Variants in TBC1D9 observed in about 807,000 individuals in gnomAD.
The protein encoded by TBC1D9 is TBC1 domain family member 9A.
A neutral mutation model predicts 132.0 loss-of-function variants in TBC1D9; 63 were observed. That is an observed-to-expected ratio of 0.48 (90% CI 0.39 to 0.59). TBC1D9 has a LOEUF of 0.59. Among genes scored for constraint, TBC1D9 ranks in the 20% least tolerant of loss-of-function variants. The pLI is 0.00. For synonymous variants in TBC1D9, 610 were observed against 609.9 expected (o/e 1.00, Z 0.00); for missense variants, 1,261 against 1,592.7 (o/e 0.79, Z 3.54).
intron 13 of TBC1D9, 95 bp from the exon 14 acceptor site, chr4:140,639,523 A>G: frequency 1.2e-6 from 1 of 848,726 alleles, no homozygotes; most frequent in African/African-American, 1.7e-5. Context: ...TGACACATCA[A>G]AGAAATGACT....
intron 1 of TBC1D9, among the ~76,000 whole-genome samples, chr4:140,702,854 T>C (rs1328047323): frequency 6.6e-6 from 1 of 152,180 alleles, no homozygotes; most frequent in South Asian, 2.1e-4. Flanking sequence ...GAACCCAGTA[T>C]AGAGCAGGGC....
chr4:140,625,819 T>C (rs188499857), intron 18 of TBC1D9, among the ~76,000 whole-genome samples: 3 of 152,302 alleles, frequency 2.0e-5, no homozygotes, highest in Non-Finnish European at 2.9e-5. Flanking sequence ...TCTATATACA[T>C]ATATCTGTGG....
At chr4:140,672,368 T>C (rs1179613328) in intron 6 of TBC1D9, among the ~76,000 whole-genome samples, 2 of 152,046 alleles carry the variant, frequency 1.3e-5, no homozygotes, top group East Asian at 3.9e-4. Context: ...GGGAAATACC[T>C]CCTTTTCCTG....
chr4:140,680,035 A>G (rs558694406), intron 3 of TBC1D9, among the ~76,000 whole-genome samples, 192 bp from the exon 4 acceptor site: 4 of 152,178 alleles, frequency 2.6e-5, no homozygotes, highest in African/African-American at 9.6e-5. Flanking sequence ...CATAATATAG[A>G]TTTTATTATA....
chr4:140,643,588 G>T, intron 13 of TBC1D9: 4 of 897,732 alleles, frequency 4.5e-6, no homozygotes, highest in Non-Finnish European at 6.7e-6. Context: ...AGGGCCGCCT[G>T]GGCCAGGCCT....
intron 1 of TBC1D9, among the ~76,000 whole-genome samples, chr4:140,709,331 T>C (rs939412463): frequency 6.7e-6 from 1 of 148,748 alleles, no homozygotes; most frequent in East Asian, 2.0e-4. Context: ...TTAAGAAGTC[T>C]AAGAAATACA....
At chr4:140,638,368 T>C (rs1428609635) in intron 15 of TBC1D9, among the ~76,000 whole-genome samples, 3 of 152,058 alleles carry the variant, frequency 2.0e-5, no homozygotes, top group Admixed American at 2.0e-4. Flanking sequence ...ACCATAATAC[T>C]TTCTTATTAA....
At chr4:140,635,600 C>G (rs762072685) in intron 15 of TBC1D9, among the ~76,000 whole-genome samples, 3 of 152,134 alleles carry the variant, frequency 2.0e-5, no homozygotes, top group Non-Finnish European at 4.4e-5. Context: ...CTATTTTGCT[C>G]TCCCTTAGAA....
intron 1 of TBC1D9, among the ~76,000 whole-genome samples, chr4:140,709,809 C>G (rs1738210735): frequency 6.6e-6 from 1 of 152,188 alleles, no homozygotes; most frequent in African/African-American, 2.4e-5. Flanking sequence ...AGCTTGCAAC[C>G]TAGATCCCTT....
chr4:140,648,508 C>G (rs1737137886), intron 13 of TBC1D9, among the ~76,000 whole-genome samples: 1 of 151,724 alleles, frequency 6.6e-6, no homozygotes, highest in South Asian at 2.1e-4. Flanking sequence ...ACCTCAGCCT[C>G]CCAAGTAGCT....
intron 1 of TBC1D9, among the ~76,000 whole-genome samples, chr4:140,752,857 T>C (rs1335133478): frequency 6.6e-6 from 1 of 152,156 alleles, no homozygotes; most frequent in Non-Finnish European, 1.5e-5. Context: ...GACCACACTT[T>C]GAGACCACTT....
At chr4:140,628,731 C>T (rs998906292) in intron 16 of TBC1D9, among the ~76,000 whole-genome samples, 1 of 152,140 alleles carries the variant, frequency 6.6e-6, no homozygotes, top group Non-Finnish European at 1.5e-5. Context: ...AATAAAATAG[C>T]TTTATTAATG....
rs529653666 is a variant in TBC1D9, at chr4:140,725,076, A to G, written c.131-23462T>C. ...TTGTTGAAATTTTTTCCACAAATAT[A>G]TTTCACAATTAGCCAAATAACATAT... On this transcript the variant is annotated intron_variant, in intron 1 of 20. Transcript: ENST00000442267. 1.2e-4 allele frequency among the ~76,000 whole-genome samples: 18 copies of G among 152,292 alleles called. No homozygotes were observed. In the South Asian group the frequency reaches 3.3e-3, roughly 28 times the overall value.
In TBC1D9 at chr4:140,716,958, A is replaced by G. The variant is rs1738344520; in HGVS notation, c.131-15344T>C. Reference sequence around the variant, plus strand: ...AAACACAAACAACAACAACAACAAAAAAAGCAACTCCAGGTTTGGTCTCAA... The same window carrying G: ...AAACACAAACAACAACAACAACAAAGAAAGCAACTCCAGGTTTGGTCTCAA... On this transcript the variant is annotated intron_variant, in intron 1 of 20. Transcript: ENST00000442267. Among the ~76,000 whole-genome samples the G allele has an allele frequency of 2.6e-5, 4 of 151,896 alleles. No homozygotes were observed. In the South Asian group the frequency reaches 8.3e-4, roughly 32 times the overall value.
intron 1 of TBC1D9, among the ~76,000 whole-genome samples, chr4:140,717,926 T>C (rs888501914): frequency 2.0e-5 from 3 of 152,172 alleles, no homozygotes; most frequent in Admixed American, 2.0e-4. Flanking sequence ...ACTTGTTCTC[T>C]TGGCTCTTAG....
intron 1 of TBC1D9, among the ~76,000 whole-genome samples, chr4:140,728,133 G>A (rs1395734403): frequency 1.3e-5 from 2 of 152,136 alleles, no homozygotes; most frequent in Non-Finnish European, 2.9e-5. Flanking sequence ...CTGATATTTG[G>A]CCTGTTGCCA....
intron 3 of TBC1D9, among the ~76,000 whole-genome samples, chr4:140,683,557 T>C (rs900483833): frequency 2.6e-5 from 4 of 152,200 alleles, no homozygotes; most frequent in African/African-American, 7.2e-5. Context: ...AAAATCCTAT[T>C]ATATCAGATG....
chr4:140,646,367 T>C (rs1220256708), intron 13 of TBC1D9, among the ~76,000 whole-genome samples: 1 of 152,202 alleles, frequency 6.6e-6, no homozygotes. Flanking sequence ...CACAGCACAG[T>C]AGGCACCCAA....
intron 1 of TBC1D9, among the ~76,000 whole-genome samples, chr4:140,705,007 G>T (rs1578848732): frequency 6.6e-6 from 1 of 152,152 alleles, no homozygotes; most frequent in Admixed American, 6.5e-5. Context: ...ATAATATCAG[G>T]ATATTCACAT....
Sources: allele counts gnomAD v4.1 joint callset (sites outside exome capture counted in the v4.1 genomes callset), GRCh38; gene constraint gnomAD v4.1.1; transcripts MANE v1.5; gene names NCBI Gene and HGNC (gene_info 2026-07-23, HGNC 2026-07-21).